The following EPB41L4B variants were observed in gnomAD, a reference collection of about 807,000 sequenced individuals.
The protein encoded by EPB41L4B is band 4.1-like protein 4B.
Under a neutral mutation model 112.5 loss-of-function variants are expected in EPB41L4B, and 30 were observed. The observed-to-expected ratio is 0.27, with a 90% CI of 0.20 to 0.36. The LOEUF is 0.36. Among genes scored for constraint, EPB41L4B ranks in the 10% least tolerant of loss-of-function variants. The pLI, the probability that EPB41L4B is intolerant of heterozygous loss-of-function variation, is 1.00. For synonymous variants in EPB41L4B, 408 were observed against 439.7 expected, an observed-to-expected ratio of 0.93 and a Z score of 0.90; for missense variants, 1,024 against 1,133.3, an observed-to-expected ratio of 0.90 and a Z score of 1.38.
intron 1 of EPB41L4B, among the ~76,000 whole-genome samples, chr9:109,296,739 T>G (rs532827672): frequency 2.0e-5 from 3 of 152,136 alleles, no homozygotes; most frequent in South Asian, 4.1e-4. Flanking sequence ...ATTTTAAAAA[T>G]TATCTGGCAT....
At chr9:109,276,866 C>T (rs142612372) in intron 2 of EPB41L4B, among the ~76,000 whole-genome samples, 73 of 152,326 alleles carry the variant, frequency 4.8e-4, no homozygotes, top group African/African-American at 1.7e-3. Flanking sequence ...AAAGATACCT[C>T]CTCCTTTCTA....
chr9:109,210,048 T>C (rs1459112810), intron 17 of EPB41L4B, among the ~76,000 whole-genome samples: 1 of 152,146 alleles, frequency 6.6e-6, no homozygotes, highest in African/African-American at 2.4e-5. Flanking sequence ...AAATGGCACT[T>C]TCAGGTTAGA....
chr9:109,230,889 G>T (rs571730605), intron 15 of EPB41L4B, among the ~76,000 whole-genome samples: 70 of 152,230 alleles, frequency 4.6e-4, no homozygotes, highest in Non-Finnish European at 7.8e-4. Context: ...CACAAGTGGT[G>T]GCTCACGCCT....
At chr9:109,268,616 T>C (rs1439163016) in intron 2 of EPB41L4B, among the ~76,000 whole-genome samples, 183 bp from the exon 3 acceptor site, 1 of 152,106 alleles carries the variant, frequency 6.6e-6, no homozygotes, top group Non-Finnish European at 1.5e-5. Context: ...AATTCAACGT[T>C]GGCCGGGCGC....
At chr9:109,210,068 T>A (rs1447700353) in intron 17 of EPB41L4B, among the ~76,000 whole-genome samples, 5 of 151,094 alleles carry the variant, frequency 3.3e-5, no homozygotes, top group African/African-American at 1.2e-4. Context: ...ATTCTTTAGT[T>A]AGCAAATATA....
chr9:109,283,186 T>C (rs1296460030), intron 1 of EPB41L4B, among the ~76,000 whole-genome samples: 2 of 152,210 alleles, frequency 1.3e-5, no homozygotes, highest in Non-Finnish European at 2.9e-5. Flanking sequence ...TTGTTGATCT[T>C]CTGGCAAGGT....
Position 109,320,899 on chromosome 9 carries a change from C to G in EPB41L4B, c.-453G>C, listed in dbSNP as rs1837852106. 1 of 151,408 alleles carries G rather than the reference C, an allele frequency of 6.6e-6. No homozygotes were observed. The highest frequency in any genetic ancestry group is 2.4e-5 in the African/African-American group (1 of 40,832). The allele number at this position is 151,408 out of a possible 1,614,324, so 9.4% of individuals were successfully genotyped here. A position where few individuals can be genotyped will look rare whatever the true frequency, so the allele number is the denominator to read the frequency against. ...CGTGGTCCTGGCGCGCTCGCTCCCACTCGCCGCGCCGCGCCCGGGGCCCGA... is the reference window on the plus strand; with the variant it reads ...CGTGGTCCTGGCGCGCTCGCTCCCAGTCGCCGCGCCGCGCCCGGGGCCCGA... On this transcript the variant is annotated 5_prime_UTR_variant, in exon 1 of 26. Transcript: ENST00000374566.
At chr9:109,318,455 G>A (rs926379762) in intron 1 of EPB41L4B, among the ~76,000 whole-genome samples, 5 of 152,116 alleles carry the variant, frequency 3.3e-5, no homozygotes, top group South Asian at 4.1e-4. Context: ...CCTGTCTCAT[G>A]GAGCTGACAA....
At chr9:109,175,679 C>T (rs1831800855) in intron 25 of EPB41L4B, among the ~76,000 whole-genome samples, 1 of 152,096 alleles carries the variant, frequency 6.6e-6, no homozygotes, top group African/African-American at 2.4e-5. Flanking sequence ...GCAAAATACA[C>T]ATCTTTAAAG....
At chr9:109,300,083 C>T (rs1381464963) in intron 1 of EPB41L4B, 3 of 152,210 alleles carry the variant, frequency 2.0e-5, no homozygotes, top group Non-Finnish European at 2.9e-5. Flanking sequence ...CAAAGTCAAC[C>T]GAAGAGGAGG....
Position 109,182,745 on chromosome 9 carries a change from G to T in EPB41L4B, c.2471C>A (p.Thr824Lys). The T allele has an allele frequency of 6.2e-7, 1 of 1,612,208 alleles. No homozygotes were observed. The stretch of plus-strand genomic sequence containing the variant: ...TCTACTTACAGTAAACTGTGGCCCT[G>T]TGGTGAAAGTATCAGGAAACGGGTT... ...TMNPFPDTFT[T>K]GPQFTADFRD... is the part of the protein sequence containing the mutation. The change falls in exon 24 of 26, where the codon ACA (threonine) becomes AAA (lysine). Residue 824 changes from threonine (T) to lysine (K), a missense_variant. Thr to Lys is a moderately conservative substitution (Grantham distance 78, BLOSUM62 -1). Coordinates refer to ENST00000374566, the MANE Select transcript of EPB41L4B (RefSeq NM_019114.5).
At chr9:109,253,410 A>T in intron 12 of EPB41L4B, 31 bp downstream of exon 12, 1 of 1,514,644 alleles carries the variant, frequency 6.6e-7, no homozygotes, top group African/African-American at 1.4e-5. Context: ...GCATAATGTA[A>T]AATTCCAAGA....
At chr9:109,289,244 A>G (rs549826388) in intron 1 of EPB41L4B, among the ~76,000 whole-genome samples, 54 of 152,316 alleles carry the variant, frequency 3.5e-4, no homozygotes, top group African/African-American at 1.3e-3. Flanking sequence ...GTCAAACTAC[A>G]AAGCGTGTTG....
intron 25 of EPB41L4B, 115 bp from the exon 26 acceptor site, chr9:109,174,738 T>G (rs1204483749): frequency 3.8e-6 from 3 of 793,280 alleles, no homozygotes; most frequent in Non-Finnish European, 6.1e-6. Context: ...ACTTTCTTTT[T>G]TAGACTCCTT....
intron 1 of EPB41L4B, among the ~76,000 whole-genome samples, chr9:109,293,698 TAAAAAAAAAAA>T (rs58106653): frequency 7.6e-6 from 1 of 131,690 alleles, no homozygotes; most frequent in African/African-American, 2.8e-5. Flanking sequence ...TACACATTCT[TAAAAAAAAAAA>T]AAAAAAAAAA....
At chr9:109,194,507 G>T (rs977869693) in intron 20 of EPB41L4B, 110 bp from the exon 21 acceptor site, 17 of 1,188,750 alleles carry the variant, frequency 1.4e-5, no homozygotes, top group African/African-American at 1.2e-4. Flanking sequence ...GGGATTGGGG[G>T]TTCCCAAACA....
At chr9:109,255,419 C>T (rs1834939575) in intron 11 of EPB41L4B, 92 bp downstream of exon 11, 3 of 1,474,394 alleles carry the variant, frequency 2.0e-6, no homozygotes, top group Non-Finnish European at 2.8e-6. Flanking sequence ...AGTTTCTGGA[C>T]TCAAATCCAC....
At chr9:109,240,190 AC>A in intron 15 of EPB41L4B, 1 of 985,450 alleles carries the variant, frequency 1.0e-6, no homozygotes, top group Non-Finnish European at 1.2e-6. Context: ...CCTTGGAAAC[AC>A]ATTTGTAAAA....
intron 15 of EPB41L4B, among the ~76,000 whole-genome samples, chr9:109,228,994 G>C (rs1164800560): frequency 2.6e-5 from 4 of 152,154 alleles, no homozygotes; most frequent in Non-Finnish European, 2.9e-5. Flanking sequence ...TATATGATGT[G>C]ATTATTTCAC....
Sources: allele counts gnomAD v4.1 joint callset (sites outside exome capture counted in the v4.1 genomes callset), GRCh38; gene constraint gnomAD v4.1.1; transcripts MANE v1.5; gene names NCBI Gene and HGNC (gene_info 2026-07-23, HGNC 2026-07-21).